The following MVB12B variants were observed in gnomAD, a reference collection of about 807,000 sequenced individuals.
The protein encoded by MVB12B is ESCRT-I complex subunit MVB12B.
In MVB12B, 16 loss-of-function variants were observed where a neutral mutation model predicts 41.6. That is an observed-to-expected ratio of 0.38 (90% CI 0.26 to 0.58). MVB12B has a LOEUF of 0.58. Among genes scored for constraint, MVB12B ranks in the 20% least tolerant of loss-of-function variants. The pLI, the probability that MVB12B is intolerant of heterozygous loss-of-function variation, is 0.62. For missense variants in MVB12B, 274 were observed against 380.2 expected (o/e 0.72, Z 2.32); for synonymous variants, 133 against 139.7 (o/e 0.95, Z 0.34).
At chr9:126,497,641 A>T (rs1833866535) in intron 9 of MVB12B, among the ~76,000 whole-genome samples, 1 of 149,970 alleles carries the variant, frequency 6.7e-6, no homozygotes. Context: ...TCTCCGGGGC[A>T]TGAGGTGAGC....
intron 2 of MVB12B, among the ~76,000 whole-genome samples, chr9:126,358,295 T>G: frequency 6.6e-6 from 1 of 152,022 alleles, no homozygotes; most frequent in East Asian, 1.9e-4. Flanking sequence ...TCTAGGTCCT[T>G]CAAATTTTAA....
intron 2 of MVB12B, among the ~76,000 whole-genome samples, chr9:126,343,218 G>A (rs903501569): frequency 2.6e-5 from 4 of 152,170 alleles, no homozygotes; most frequent in Non-Finnish European, 2.9e-5. Context: ...CGACGTCTGC[G>A]GTCCTCTCTG....
chr9:126,449,313 G>A lies in MVB12B; in HGVS notation c.757+27365G>A, dbSNP rs532327045. Among the ~76,000 whole-genome samples the A allele has an allele frequency of 5.9e-5, 9 of 152,262 alleles. No homozygotes were observed. The South Asian group carries it at 1.2e-3, about 21-fold the overall frequency. ...GCTGGTCCCTCTGTTGAGAAGGCTC[G>A]GTGGCCGCAAGCACGTATTGCAGTC... is the stretch of plus-strand genomic sequence containing the variant. On this transcript the variant is annotated intron_variant, in intron 7 of 9. Transcript: ENST00000361171.
At position 126,480,614 on chromosome 9, in the gene MVB12B, C is replaced by T. The variant is rs1042952364; in HGVS notation, c.758-755C>T. Among the ~76,000 whole-genome samples, 4 of 152,144 alleles carry T rather than the reference C, an allele frequency of 2.6e-5. No homozygotes were observed. The highest frequency in any genetic ancestry group is 7.2e-5 in the African/African-American group (3 of 41,438). On this transcript the variant is annotated intron_variant, in intron 7 of 9. Transcript: ENST00000361171. The surrounding 1 kb of genome is among the most constrained non-coding windows in gnomAD (Gnocchi z 4.9). ...CGTCCCCGTTCCATGCCCTTTTTCT[C>T]GTGTCCTGTTAAAATTGAGCACACT...
intron 2 of MVB12B, among the ~76,000 whole-genome samples, chr9:126,342,271 A>C (rs972129149): frequency 1.3e-5 from 2 of 152,110 alleles, no homozygotes; most frequent in Non-Finnish European, 2.9e-5. Flanking sequence ...AGGGAGCTTG[A>C]GCCCAAGGCA....
Position 126,391,339 on chromosome 9 carries a change from G to A in MVB12B, c.410-727G>A, listed in dbSNP as rs1564305050. Among the ~76,000 whole-genome samples, 1 of 152,226 alleles carries A rather than the reference G, an allele frequency of 6.6e-6. No individual in the cohort carries two copies. Among genetic ancestry groups the A allele is most frequent in the Non-Finnish European group, 1.5e-5 (1 of 68,038 alleles). On this transcript the variant is annotated intron_variant, in intron 4 of 9. Transcript: ENST00000361171. The surrounding 1 kb of genome is among the most constrained non-coding windows in gnomAD (Gnocchi z 4.4). The stretch of plus-strand genomic sequence containing the variant: ...AGGAGTGGTTGTTCCAGAGTCAAAT[G>A]ATCTGGGAGGCCTGACACCCAGAGG...
At chr9:126,421,204 A>G (rs1832006577) in intron 6 of MVB12B, among the ~76,000 whole-genome samples, 1 of 152,214 alleles carries the variant, frequency 6.6e-6, no homozygotes, top group African/African-American at 2.4e-5. Flanking sequence ...GTGAGCTTTA[A>G]TGACTCACAC....
chr9:126,491,962 G>T (rs1799511153), intron 9 of MVB12B, among the ~76,000 whole-genome samples: 1 of 152,004 alleles, frequency 6.6e-6, no homozygotes, highest in South Asian at 2.1e-4. Context: ...CTTTTGGGCA[G>T]TTTATCATTC....
chr9:126,420,818 T>C (rs897913183), intron 6 of MVB12B, among the ~76,000 whole-genome samples: 1 of 151,862 alleles, frequency 6.6e-6, no homozygotes, highest in East Asian at 1.9e-4. Flanking sequence ...GCTGGGATTA[T>C]AAGCGTGAGC....
intron 9 of MVB12B, among the ~76,000 whole-genome samples, chr9:126,487,241 A>G (rs1395225986): frequency 6.6e-6 from 1 of 152,212 alleles, no homozygotes; most frequent in Non-Finnish European, 1.5e-5. Context: ...GCAAAGGTCC[A>G]GTGAATGGCC....
chr9:126,455,248 C>T (rs567085508), intron 7 of MVB12B, among the ~76,000 whole-genome samples: 66 of 151,746 alleles, frequency 4.3e-4, no homozygotes, highest in African/African-American at 1.5e-3. Context: ...AGTGCAGTGG[C>T]GTGATCTCAG....
chr9:126,495,212 A>AT lies in MVB12B; in HGVS notation c.874-7965_874-7964insT, dbSNP rs1564351792. On this transcript the variant is annotated intron_variant, in intron 9 of 9. Transcript: ENST00000361171. ...GTCTCAAAAAAAAAAAAAAAATGAG[A>AT]GAGAGAGAAAGAAGAGAAGGGAAAT... 2.1e-4 allele frequency among the ~76,000 whole-genome samples: 30 copies of AT among 144,816 alleles called. No homozygotes were observed. The East Asian group carries it at 3.4e-3, about 17-fold the overall frequency.
chr9:126,440,792 G>A (rs1396036747), intron 7 of MVB12B, among the ~76,000 whole-genome samples: 1 of 152,154 alleles, frequency 6.6e-6, no homozygotes, highest in Non-Finnish European at 1.5e-5. Flanking sequence ...AAAGATAATA[G>A]CAAATTTCTT....
chr9:126,466,830 T>C (rs1360830096), intron 7 of MVB12B, among the ~76,000 whole-genome samples: 1 of 134,476 alleles, frequency 7.4e-6, no homozygotes, highest in Non-Finnish European at 1.6e-5. Context: ...GGAAATCAGA[T>C]TTTTTTTTTT....
chr9:126,357,621 A>G (rs1448548749), intron 2 of MVB12B, among the ~76,000 whole-genome samples: 1 of 149,580 alleles, frequency 6.7e-6, no homozygotes, highest in Non-Finnish European at 1.5e-5. Context: ...TTTTTTTGCC[A>G]TTAGTATAAC....
chr9:126,415,030 G>A (rs529233376), intron 6 of MVB12B, among the ~76,000 whole-genome samples: 15 of 151,868 alleles, frequency 9.9e-5, no homozygotes, highest in Non-Finnish European at 2.1e-4. Context: ...ACTCCCAGCC[G>A]GCCTCTCGGT....
chr9:126,375,360 A>ATGC (rs1554770777), intron 2 of MVB12B, among the ~76,000 whole-genome samples: 3 of 45,768 alleles, frequency 6.6e-5, no homozygotes, highest in Non-Finnish European at 1.3e-4. Flanking sequence ...TTTTAAATTG[A>ATGC]TTCTTTTTTT....
chr9:126,437,865 G>C (rs2119130544), intron 7 of MVB12B, among the ~76,000 whole-genome samples: 1 of 152,222 alleles, frequency 6.6e-6, no homozygotes, highest in African/African-American at 2.4e-5. Flanking sequence ...GATGGAGTTT[G>C]GAGTAAAATT....
intron 1 of MVB12B, among the ~76,000 whole-genome samples, chr9:126,336,209 C>T (rs1263160173): frequency 1.3e-5 from 2 of 152,190 alleles, no homozygotes; most frequent in Non-Finnish European, 2.9e-5. Flanking sequence ...GATTTCAGTA[C>T]AGGAGTTGAT....
Sources: gnomAD v4.1 joint callset for allele counts (sites outside exome capture counted in the v4.1 genomes callset) on GRCh38, gnomAD v4.1.1 for gene constraint, Gnocchi (gnomAD v3.1) non-coding constraint, MANE v1.5 for transcripts, NCBI Gene and HGNC (gene_info 2026-07-23, HGNC 2026-07-21) for gene names.